The following GPC5 variants were observed in gnomAD, a reference collection of about 807,000 sequenced individuals.
GPC5 encodes the protein glypican-5.
GPC5 carries 47 observed loss-of-function variants against 53.9 expected under a neutral mutation model. The ratio of observed to expected loss-of-function variants is 0.87; its 90% CI spans 0.69 to 1.11. The LOEUF (loss-of-function observed/expected upper bound fraction) is 1.11. GPC5 is among the 50% of genes most tolerant of loss of function. GPC5 has a pLI of 0.00. For missense variants in GPC5, 748 were observed against 713.1 expected (o/e 1.05, Z -0.56); for synonymous variants, 286 against 263.3 (o/e 1.09, Z -0.84).
intron 7 of GPC5, among the ~76,000 whole-genome samples, chr13:92,253,923 G>A (rs2042709215): frequency 6.6e-6 from 1 of 152,050 alleles, no homozygotes; most frequent in South Asian, 2.1e-4. Flanking sequence ...TTACTGGAAT[G>A]TCTATAGAGT....
chr13:92,714,675 G>A (rs1404459607), intron 7 of GPC5, among the ~76,000 whole-genome samples: 2 of 152,166 alleles, frequency 1.3e-5, no homozygotes, highest in African/African-American at 4.8e-5. Context: ...GATAGTAAGA[G>A]GCAGTTTTTT....
At chr13:92,054,622 A>G (rs1378564985) in intron 6 of GPC5, among the ~76,000 whole-genome samples, 1 of 152,202 alleles carries the variant, frequency 6.6e-6, no homozygotes, top group East Asian at 1.9e-4. Context: ...CCAGTGAGTT[A>G]CACAACAAGA....
chr13:92,784,884 C>CTGTATT, intron 7 of GPC5, among the ~76,000 whole-genome samples: 1 of 152,250 alleles, frequency 6.6e-6, no homozygotes, highest in East Asian at 1.9e-4. Flanking sequence ...AAATATGTAA[C>CTGTATT]ACAAATTATT....
At chr13:91,812,620 G>A (rs2038330940) in intron 5 of GPC5, among the ~76,000 whole-genome samples, 1 of 152,094 alleles carries the variant, frequency 6.6e-6, no homozygotes, top group Non-Finnish European at 1.5e-5. Context: ...CATTTTTCTA[G>A]TACATATTCA....
chr13:91,732,058 A>G (rs2036711483), intron 4 of GPC5, among the ~76,000 whole-genome samples: 1 of 152,146 alleles, frequency 6.6e-6, no homozygotes, highest in African/African-American at 2.4e-5. Flanking sequence ...CAGTAGTGGG[A>G]TTGTTGGGTC....
intron 7 of GPC5, among the ~76,000 whole-genome samples, chr13:92,434,338 G>C (rs966586699): frequency 6.6e-6 from 1 of 151,984 alleles, no homozygotes; most frequent in Non-Finnish European, 1.5e-5. Context: ...ATCAAGAAGA[G>C]GTAAAGCAGA....
intron 7 of GPC5, among the ~76,000 whole-genome samples, chr13:92,379,228 T>G (rs950248485): frequency 6.6e-6 from 1 of 152,188 alleles, no homozygotes; most frequent in African/African-American, 2.4e-5. Flanking sequence ...GATCTTTTGG[T>G]TTTCTGGTGA....
At chr13:91,984,216 T>A (rs1038759682) in intron 6 of GPC5, among the ~76,000 whole-genome samples, 2 of 152,200 alleles carry the variant, frequency 1.3e-5, no homozygotes, top group Admixed American at 6.5e-5. Context: ...TACTATTCCA[T>A]TATTATTCTG....
chr13:91,436,885 T>A (rs549922599), intron 1 of GPC5, among the ~76,000 whole-genome samples: 1 of 152,334 alleles, frequency 6.6e-6, no homozygotes, highest in East Asian at 1.9e-4. Context: ...ATTGGGTGCA[T>A]ATATATTTAA....
chr13:92,042,946 T>G (rs1041514294), intron 6 of GPC5, among the ~76,000 whole-genome samples: 1 of 152,178 alleles, frequency 6.6e-6, no homozygotes, highest in Non-Finnish European at 1.5e-5. Flanking sequence ...ATGGAAATTC[T>G]AGAGTGGAAA....
At chr13:92,235,989 T>C (rs138180589) in intron 7 of GPC5, among the ~76,000 whole-genome samples, 41 of 152,284 alleles carry the variant, frequency 2.7e-4, no homozygotes, top group African/African-American at 9.6e-4. Context: ...GGCTACCTTT[T>C]TCCTGATGAC....
At chr13:92,489,214 C>A (rs1011924129) in intron 7 of GPC5, among the ~76,000 whole-genome samples, 1 of 152,068 alleles carries the variant, frequency 6.6e-6, no homozygotes, top group Non-Finnish European at 1.5e-5. Flanking sequence ...TAAGAAAAAT[C>A]CTTCATTTTC....
chr13:92,709,879 C>T (rs1425272706), intron 7 of GPC5, among the ~76,000 whole-genome samples: 1 of 152,150 alleles, frequency 6.6e-6, no homozygotes, highest in Non-Finnish European at 1.5e-5. Context: ...AGAGTTTGGT[C>T]TTGGCCATAG....
intron 6 of GPC5, among the ~76,000 whole-genome samples, chr13:92,122,778 G>T (rs2041661533): frequency 5.7e-5 from 4 of 70,430 alleles, no homozygotes; most frequent in Admixed American, 1.8e-4. Flanking sequence ...AACATTTTTA[G>T]CCATCTAATT....
chr13:92,715,242 TGA>T (rs1888289909), intron 7 of GPC5, among the ~76,000 whole-genome samples: 1 of 152,270 alleles, frequency 6.6e-6, no homozygotes, highest in South Asian at 2.1e-4. Flanking sequence ...GTCTTTTCTA[TGA>T]GAGTGTGTGC....
chr13:91,877,364 C>T (rs1196984907), intron 5 of GPC5, among the ~76,000 whole-genome samples: 1 of 152,194 alleles, frequency 6.6e-6, no homozygotes, highest in Non-Finnish European at 1.5e-5. Flanking sequence ...GGGAGGGAGG[C>T]TGTACCCTGT....
At chr13:92,491,177 T>C (rs1879746806) in intron 7 of GPC5, among the ~76,000 whole-genome samples, 1 of 152,116 alleles carries the variant, frequency 6.6e-6, no homozygotes, top group South Asian at 2.1e-4. Context: ...ATTAAAAATT[T>C]AAACTTGAAA....
At chr13:92,185,151 C>T (rs1263774894) in intron 7 of GPC5, among the ~76,000 whole-genome samples, 1 of 152,030 alleles carries the variant, frequency 6.6e-6, no homozygotes, top group African/African-American at 2.4e-5. Context: ...CAGTAAAAGT[C>T]TGATGTGCCA....
At chr13:91,768,806 T>C (rs1020582478) in intron 5 of GPC5, among the ~76,000 whole-genome samples, 59 of 152,260 alleles carry the variant, frequency 3.9e-4, no homozygotes, top group Non-Finnish European at 1.5e-5. Context: ...GTGTGGTACA[T>C]TGGTTTGGAA....
Sources: allele counts gnomAD v4.1 joint callset (sites outside exome capture counted in the v4.1 genomes callset), GRCh38; gene constraint gnomAD v4.1.1; transcripts MANE v1.5; gene names NCBI Gene and HGNC (gene_info 2026-07-23, HGNC 2026-07-21).